Variants in XKR9 observed in about 807,000 individuals in gnomAD.
The protein encoded by XKR9 is XK-related protein 9.
In XKR9, 32 loss-of-function variants were observed where a neutral mutation model predicts 32.0. The ratio of observed to expected loss-of-function variants is 1.00; its 90% CI spans 0.76 to 1.34. XKR9 has a LOEUF of 1.34. XKR9 is among the 40% of genes most tolerant of loss of function. The pLI, the probability that XKR9 is intolerant of heterozygous loss-of-function variation, is 0.00. For synonymous variants in XKR9, 168 were observed against 143.4 expected, an observed-to-expected ratio of 1.17 and a Z score of -1.22; for missense variants, 546 against 429.7, an observed-to-expected ratio of 1.27 and a Z score of -2.39.
chr8:70,734,337 A>C lies in XKR9; in HGVS notation c.1035A>C (p.Pro345=), dbSNP rs1404297342. The change falls in exon 5 of 5, where the codon CCA becomes CCC. Residue 345 remains proline (P), a synonymous_variant. Transcript: ENST00000408926. ...TTGTTTATTATGGGAGTTTTCACCC[A>C]AACAGAAGTGCAGAAACAAAATGTG... ...FLIVYYGSFH[P]NRSAETKCDE... 2 of 1,612,210 alleles carry C rather than the reference A, an allele frequency of 1.2e-6. No homozygotes were observed. The highest frequency in any genetic ancestry group is 1.7e-5 in the Admixed American group (1 of 59,876).
intron 2 of XKR9, among the ~76,000 whole-genome samples, chr8:70,757,933 A>C (rs968136661): frequency 2.6e-5 from 4 of 152,152 alleles, no homozygotes; most frequent in African/African-American, 9.7e-5. Context: ...TTTTTCTGTT[A>C]AATCTGACAT....
chr8:70,867,145 A>AG, the XKR9 span, among the ~76,000 whole-genome samples: 7 of 152,312 alleles, frequency 4.6e-5, no homozygotes, highest in South Asian at 8.3e-4. Flanking sequence ...AGGAGGAGCA[A>AG]GTCACATCTT....
At chr8:70,919,000 A>G in the XKR9 span, among the ~76,000 whole-genome samples, 1 of 151,676 alleles carries the variant, frequency 6.6e-6, no homozygotes, top group African/African-American at 2.4e-5. Flanking sequence ...GATGGTCTCA[A>G]TTTCCTGACC....
the XKR9 span, among the ~76,000 whole-genome samples, chr8:71,036,475 C>G: frequency 1.3e-5 from 2 of 151,868 alleles, no homozygotes. Context: ...TTTTTTTTCT[C>G]CATTCACTGG....
Position 70,707,176 on chromosome 8 carries a change from T to C in XKR9, c.493+23T>C, listed in dbSNP as rs781199870. On this transcript the variant is annotated intron_variant, in intron 4 of 4. Transcript: ENST00000408926. Reference sequence around the variant, plus strand: ...AGTGTAAGTTTTTCTTAACTCCTTGTGTTAAATGGATGCCACTGAGACCTT... The same window carrying C: ...AGTGTAAGTTTTTCTTAACTCCTTGCGTTAAATGGATGCCACTGAGACCTT... 3.8e-6 allele frequency: 6 copies of C among 1,591,612 alleles called. No homozygotes were observed. The Admixed American group carries it at 5.0e-5, about 13-fold the overall frequency.
the XKR9 span, among the ~76,000 whole-genome samples, chr8:70,950,970 G>A: frequency 6.6e-6 from 1 of 152,152 alleles, no homozygotes; most frequent in Non-Finnish European, 1.5e-5. Context: ...CACCGCACCT[G>A]GCCTTCCTTC....
the XKR9 span, among the ~76,000 whole-genome samples, chr8:70,991,359 C>T: frequency 6.6e-6 from 1 of 152,088 alleles, no homozygotes; most frequent in South Asian, 2.1e-4. Flanking sequence ...AAGTGACATC[C>T]AGGGAGGTTT....
At chr8:70,870,619 A>G in the XKR9 span, among the ~76,000 whole-genome samples, 20 of 152,222 alleles carry the variant, frequency 1.3e-4, no homozygotes, top group Non-Finnish European at 2.9e-4. Flanking sequence ...GACCAATCGC[A>G]TCTTGATTCT....
the XKR9 span, among the ~76,000 whole-genome samples, chr8:70,819,403 A>G: frequency 6.6e-6 from 1 of 152,222 alleles, no homozygotes; most frequent in African/African-American, 2.4e-5. Flanking sequence ...TAACATATAA[A>G]AATTTCCATT....
At chr8:71,022,213 A>G in the XKR9 span, among the ~76,000 whole-genome samples, 3 of 152,182 alleles carry the variant, frequency 2.0e-5, no homozygotes, top group South Asian at 6.2e-4. Flanking sequence ...TTGAACCAGT[A>G]CCATGCTGTT....
the XKR9 span, among the ~76,000 whole-genome samples, chr8:71,046,831 A>G: frequency 2.0e-5 from 3 of 152,210 alleles, no homozygotes; most frequent in Non-Finnish European, 4.4e-5. Flanking sequence ...ATGTAACTAC[A>G]TTGTAAATCT....
chr8:70,669,639 TAGTA>T (rs1285795294), intron 1 of XKR9, 101 bp downstream of exon 1: 302 of 91,078 alleles, frequency 3.3e-3, no homozygotes, highest in Non-Finnish European at 4.7e-3. Context: ...TGTGTGTGTG[TAGTA>T]GTAGTAGTAG....
At chr8:70,807,624 C>A in the XKR9 span, among the ~76,000 whole-genome samples, 11 of 151,816 alleles carry the variant, frequency 7.2e-5, no homozygotes, top group South Asian at 2.1e-4. Flanking sequence ...TAGTCTCTGA[C>A]AAAACAGACT....
At chr8:70,868,412 C>T in the XKR9 span, among the ~76,000 whole-genome samples, 48,253 of 151,776 alleles carry the variant, frequency 0.32, 9,003 homozygotes, top group Non-Finnish European at 0.43. Context: ...GTTCCCAAAC[C>T]CCAATTCTTG....
At chr8:70,906,534 C>T in the XKR9 span, among the ~76,000 whole-genome samples, 3 of 152,186 alleles carry the variant, frequency 2.0e-5, no homozygotes, top group Admixed American at 6.5e-5. Context: ...GGCTACTCTG[C>T]ATCATTTGCC....
At chr8:70,737,089 C>T (rs1236367104), downstream of XKR9, among the ~76,000 whole-genome samples, 1 of 151,292 alleles carries the variant, frequency 6.6e-6, no homozygotes, top group Non-Finnish European at 1.5e-5. Flanking sequence ...ATTGATTCTT[C>T]CTATCCATGA....
intron 2 of XKR9, chr8:70,780,766 A>G (rs1029691681): frequency 6.6e-6 from 1 of 152,100 alleles, no homozygotes; most frequent in African/African-American, 2.4e-5. Flanking sequence ...TGGTATTAGA[A>G]TTTTATGTTT....
At chr8:70,686,801 T>A (rs1291368813) in intron 3 of XKR9, among the ~76,000 whole-genome samples, 2 of 152,172 alleles carry the variant, frequency 1.3e-5, no homozygotes, top group African/African-American at 4.8e-5. Flanking sequence ...TGGCCTCTTT[T>A]AAAATTTTTT....
At chr8:70,953,412 A>G in the XKR9 span, among the ~76,000 whole-genome samples, 3 of 152,150 alleles carry the variant, frequency 2.0e-5, no homozygotes. Context: ...CCTGTGCCCA[A>G]GTGATCCTCC....
Sources: allele counts gnomAD v4.1 joint callset (sites outside exome capture counted in the v4.1 genomes callset), GRCh38; gene constraint gnomAD v4.1.1; transcripts MANE v1.5; gene names NCBI Gene and HGNC (gene_info 2026-07-23, HGNC 2026-07-21).